SH3RF1: variants seen among roughly 807,000 people sequenced by gnomAD.
The protein encoded by SH3RF1 is E3 ubiquitin-protein ligase SH3RF1.
In SH3RF1, 32 loss-of-function variants were observed where a neutral mutation model predicts 74.0. The observed-to-expected ratio is 0.43, with a 90% CI of 0.33 to 0.58. The LOEUF is 0.58. Among genes scored for constraint, SH3RF1 ranks in the 20% least tolerant of loss-of-function variants. SH3RF1 has a pLI of 0.05. For synonymous variants in SH3RF1, 396 were observed against 439.6 expected, an observed-to-expected ratio of 0.90 and a Z score of 1.24; for missense variants, 954 against 1,130.9, an observed-to-expected ratio of 0.84 and a Z score of 2.24.
chr4:169,130,243 T>A, intron 5 of SH3RF1, 87 bp from the exon 6 acceptor site: 1 of 947,772 alleles, frequency 1.1e-6, no homozygotes, highest in Non-Finnish European at 1.5e-6. Flanking sequence ...GCAAGTCACA[T>A]TAAAAAAAAA....
At chr4:169,216,664 G>T (rs1272520144) in intron 2 of SH3RF1, among the ~76,000 whole-genome samples, 1 of 152,090 alleles carries the variant, frequency 6.6e-6, no homozygotes, top group African/African-American at 2.4e-5. Context: ...GATGAAGTGA[G>T]ACCCCCATCT....
chr4:169,216,876 C>T (rs905052738), intron 2 of SH3RF1, among the ~76,000 whole-genome samples: 1 of 151,658 alleles, frequency 6.6e-6, no homozygotes, highest in African/African-American at 2.4e-5. Context: ...TTGGGCTAGG[C>T]GCAGTGGCTC....
chr4:169,269,391 G>A (rs764067902), intron 1 of SH3RF1, 84 bp from the exon 2 acceptor site: 9 of 610,248 alleles, frequency 1.5e-5, no homozygotes, highest in Non-Finnish European at 2.5e-5. Context: ...GAATCAAAAA[G>A]TACCCAAAAG....
chr4:169,168,571 T>G (rs1734280930), intron 2 of SH3RF1, among the ~76,000 whole-genome samples: 1 of 152,218 alleles, frequency 6.6e-6, no homozygotes, highest in Non-Finnish European at 1.5e-5. Flanking sequence ...TAAGTCTGAT[T>G]GGAACTCGCT....
chr4:169,201,661 T>G (rs563576905), intron 2 of SH3RF1: 2 of 152,224 alleles, frequency 1.3e-5, no homozygotes, highest in African/African-American at 4.8e-5. Flanking sequence ...AGTTATAATT[T>G]TGTATTCATA....
chr4:169,167,671 T>C lies in SH3RF1; in HGVS notation c.394-10992A>G, dbSNP rs147338242. ...AATATTCAAAAACAGGTGAAACGAATCTCTTGTGGTAAAAATCACAGTAGT... is the reference window on the plus strand; with the variant it reads ...AATATTCAAAAACAGGTGAAACGAACCTCTTGTGGTAAAAATCACAGTAGT... On this transcript the variant is annotated intron_variant, in intron 2 of 11. Coordinates refer to ENST00000284637, the MANE Select transcript of SH3RF1 (RefSeq NM_020870.4). Among the ~76,000 whole-genome samples the C allele has an allele frequency of 4.3e-3, 655 of 152,240 alleles. 6 individuals carry two copies. Among genetic ancestry groups the C allele is most frequent in the African/African-American group, 0.015 (628 of 41,538 alleles).
intron 4 of SH3RF1, among the ~76,000 whole-genome samples, chr4:169,144,863 C>T (rs376812748): frequency 6.6e-6 from 1 of 151,792 alleles, no homozygotes; most frequent in Admixed American, 6.6e-5. Context: ...TCATGGGGAT[C>T]GTACTAGTTG....
intron 2 of SH3RF1, among the ~76,000 whole-genome samples, chr4:169,225,979 C>T (rs1257232601): frequency 6.6e-6 from 1 of 152,174 alleles, no homozygotes; most frequent in Non-Finnish European, 1.5e-5. Flanking sequence ...ATGTTGCTGA[C>T]AGCCCCCTTA....
At chr4:169,249,663 C>T (rs1224851012) in intron 2 of SH3RF1, among the ~76,000 whole-genome samples, 6 of 152,120 alleles carry the variant, frequency 3.9e-5, no homozygotes, top group Non-Finnish European at 8.8e-5. Flanking sequence ...AGGATCCAAT[C>T]CCCCCGTTGG....
intron 2 of SH3RF1, among the ~76,000 whole-genome samples, chr4:169,244,330 A>C (rs1051283646): frequency 8.5e-5 from 13 of 152,194 alleles, no homozygotes; most frequent in African/African-American, 3.1e-4. Context: ...AGCTTAATTA[A>C]AAATCTGCAA....
chr4:169,150,765 A>G (rs531711026), intron 4 of SH3RF1, among the ~76,000 whole-genome samples: 30 of 152,338 alleles, frequency 2.0e-4, no homozygotes, highest in African/African-American at 7.0e-4. Context: ...ACTGTGAGGA[A>G]TCCTGAAACC....
intron 8 of SH3RF1, 151 bp downstream of exon 8, chr4:169,120,668 G>A: frequency 2.7e-6 from 2 of 739,662 alleles, no homozygotes; most frequent in Non-Finnish European, 4.1e-6. Flanking sequence ...GAGTTAGAAG[G>A]GATTTTAGCA....
intron 2 of SH3RF1, among the ~76,000 whole-genome samples, chr4:169,253,498 C>G (rs1731136963): frequency 6.6e-6 from 1 of 152,146 alleles, no homozygotes. Flanking sequence ...TGGAAAGGAT[C>G]CCTTGGGACT....
At chr4:169,099,536 A>G (rs1732982862) in intron 11 of SH3RF1, among the ~76,000 whole-genome samples, 1 of 152,242 alleles carries the variant, frequency 6.6e-6, no homozygotes, top group Non-Finnish European at 1.5e-5. Flanking sequence ...CAAGTTAAAC[A>G]TTTAAGGCAA....
At chr4:169,182,645 TG>T in intron 2 of SH3RF1, among the ~76,000 whole-genome samples, 1 of 152,336 alleles carries the variant, frequency 6.6e-6, no homozygotes, top group Non-Finnish European at 1.5e-5. Context: ...ACGGGAAATA[TG>T]GCTGGTTTCA....
intron 11 of SH3RF1, among the ~76,000 whole-genome samples, chr4:169,099,699 T>C (rs531951395): frequency 1.3e-5 from 2 of 152,278 alleles, no homozygotes; most frequent in African/African-American, 4.8e-5. Context: ...GTGAATTAGA[T>C]TAATATATGC....
intron 2 of SH3RF1, among the ~76,000 whole-genome samples, chr4:169,234,442 C>T (rs1429145423): frequency 6.6e-6 from 1 of 152,206 alleles, no homozygotes; most frequent in Non-Finnish European, 1.5e-5. Context: ...CAAATTAAAA[C>T]ATAACTCCTC....
intron 2 of SH3RF1, among the ~76,000 whole-genome samples, chr4:169,242,695 A>G (rs958115327): frequency 1.3e-5 from 2 of 152,194 alleles, no homozygotes; most frequent in African/African-American, 4.8e-5. Flanking sequence ...GCCCTCATAA[A>G]TGGACTGTCC....
intron 10 of SH3RF1, among the ~76,000 whole-genome samples, chr4:169,108,050 T>A (rs1309994067): frequency 6.6e-6 from 1 of 152,252 alleles, no homozygotes; most frequent in African/African-American, 2.4e-5. Flanking sequence ...TTTGGTCTGC[T>A]AGGAAAATCA....
Sources: gnomAD v4.1 joint callset for allele counts (sites outside exome capture counted in the v4.1 genomes callset) on GRCh38, gnomAD v4.1.1 for gene constraint, MANE v1.5 for transcripts, NCBI Gene and HGNC (gene_info 2026-07-23, HGNC 2026-07-21) for gene names.